Variants in CTNNA2 observed in about 807,000 individuals in gnomAD.
CTNNA2 encodes catenin alpha 2.
In CTNNA2, 42 loss-of-function variants were observed where a neutral mutation model predicts 101.0. The observed-to-expected ratio is 0.42, with a 90% CI of 0.32 to 0.54. CTNNA2 has a LOEUF of 0.54. Among genes scored for constraint, CTNNA2 ranks in the 20% least tolerant of loss-of-function variants. The pLI, the probability that CTNNA2 is intolerant of heterozygous loss-of-function variation, is 0.14. For synonymous variants in CTNNA2, 450 were observed against 456.4 expected (o/e 0.99, Z 0.18); for missense variants, 871 against 1,223.1 (o/e 0.71, Z 4.29).
Position 79,942,716 on chromosome 2 carries a change from T to G in CTNNA2, c.1056+32919T>G, listed in dbSNP as rs114481191. 2.6e-3 allele frequency among the ~76,000 whole-genome samples: 389 copies of G among 152,214 alleles called. 3 individuals are homozygous for G. Among genetic ancestry groups the G allele is most frequent in the African/African-American group, 8.6e-3 (357 of 41,544 alleles). ...TACTTGCCATATCCCCAGTAAGTGGTGGAGTTGGGATTAATTAGGACCCCT... is the reference window on the plus strand; with the variant it reads ...TACTTGCCATATCCCCAGTAAGTGGGGGAGTTGGGATTAATTAGGACCCCT... On this transcript the variant is annotated intron_variant, in intron 7 of 18. Transcript: ENST00000402739.
At chr2:79,721,920 A>G (rs1259122491) in intron 2 of CTNNA2, among the ~76,000 whole-genome samples, 1 of 152,224 alleles carries the variant, frequency 6.6e-6, no homozygotes, top group African/African-American at 2.4e-5. Flanking sequence ...TTTTACAATA[A>G]TAGAATAAAT....
chr2:80,098,446 C>T (rs1047243126), intron 7 of CTNNA2, among the ~76,000 whole-genome samples: 11 of 152,182 alleles, frequency 7.2e-5, no homozygotes, highest in Admixed American at 1.3e-4. Context: ...TTAGGCTACT[C>T]GGGGATCAGG....
intron 4 of CTNNA2, among the ~76,000 whole-genome samples, chr2:79,859,922 G>T (rs1166710294): frequency 6.6e-6 from 1 of 152,110 alleles, no homozygotes; most frequent in East Asian, 1.9e-4. Context: ...CAGGGTGGTG[G>T]GGAGGTTTGA....
intron 7 of CTNNA2, among the ~76,000 whole-genome samples, chr2:80,128,652 C>T (rs970687572): frequency 2.6e-5 from 4 of 152,110 alleles, no homozygotes; most frequent in East Asian, 3.9e-4. Context: ...CAAGTAGCAG[C>T]GACAATGTGC....
At chr2:79,619,090 C>G (rs927043017) in intron 1 of CTNNA2, among the ~76,000 whole-genome samples, 3 of 152,168 alleles carry the variant, frequency 2.0e-5, no homozygotes, top group Non-Finnish European at 4.4e-5. Context: ...CCTATAATCC[C>G]AGCTAGTTGG....
Position 79,651,772 on chromosome 2 carries a change from G to A in CTNNA2, c.102+114G>A, listed in dbSNP as rs548782428. On this transcript the variant is annotated intron_variant, in intron 2 of 18. Transcript: ENST00000402739. ...AGAGAATAAATCATGCCATGATTCC[G>A]ATTACTGAATATATATTACTGCCTG... 4.0e-5 allele frequency: 34 copies of A among 843,416 alleles called. No individual in the cohort carries two copies. In the African/African-American group the frequency reaches 4.6e-4, roughly 11 times the overall value. The allele number at this position is 843,416 out of a possible 1,614,324, so 52.2% of individuals were successfully genotyped here.
At chr2:80,031,521 G>C (rs1261329203) in intron 7 of CTNNA2, among the ~76,000 whole-genome samples, 1 of 152,150 alleles carries the variant, frequency 6.6e-6, no homozygotes, top group Admixed American at 6.5e-5. Flanking sequence ...ATTTACTATC[G>C]TGAGAACAGC....
At chr2:80,483,120 T>A (rs1242458073) in intron 9 of CTNNA2, among the ~76,000 whole-genome samples, 2 of 152,166 alleles carry the variant, frequency 1.3e-5, no homozygotes, top group Admixed American at 1.3e-4. Flanking sequence ...AGTATTAGTG[T>A]CTCTGAGAGA....
chr2:80,490,283 C>CCG (rs1353985119), intron 9 of CTNNA2, among the ~76,000 whole-genome samples: 27 of 81,086 alleles, frequency 3.3e-4, no homozygotes, highest in African/African-American at 1.5e-3. Context: ...CCCCCCCACC[C>CCG]CCCCCCCGGT....
At chr2:79,185,667 G>T (rs1297154210) in intron 1 of CTNNA2, 1 of 151,978 alleles carries the variant, frequency 6.6e-6, no homozygotes, top group East Asian at 1.9e-4. Flanking sequence ...ACAATTCATG[G>T]GTGCTCCAAA....
intron 2 of CTNNA2, among the ~76,000 whole-genome samples, chr2:79,303,567 T>G (rs905400200): frequency 1.3e-5 from 2 of 152,006 alleles, no homozygotes; most frequent in Non-Finnish European, 2.9e-5. Flanking sequence ...CACAAGAAAC[T>G]TATTTATGCT....
chr2:79,200,689 C>A (rs548244242), intron 2 of CTNNA2, among the ~76,000 whole-genome samples: 2 of 152,124 alleles, frequency 1.3e-5, no homozygotes, highest in Admixed American at 6.5e-5. Flanking sequence ...AACTCTTGTT[C>A]AAAAAGGCAA....
chr2:80,201,585 T>C (rs2023443), intron 7 of CTNNA2, among the ~76,000 whole-genome samples: 1 of 151,758 alleles, frequency 6.6e-6, no homozygotes, highest in Non-Finnish European at 1.5e-5. Context: ...CCGTGTTAGC[T>C]AGGATGGTCT....
chr2:80,299,336 C>G (rs1676037865), intron 7 of CTNNA2: 1 of 152,110 alleles, frequency 6.6e-6, no homozygotes, highest in African/African-American at 2.4e-5. Flanking sequence ...GTTAAAACTA[C>G]CACTTTCCCT....
chr2:79,881,139 C>A (rs111831285), intron 6 of CTNNA2, among the ~76,000 whole-genome samples: 6,022 of 152,172 alleles, frequency 0.04, 321 homozygotes, highest in East Asian at 0.27. Flanking sequence ...TGAGTTTCTT[C>A]ATCCTAAGTT....
intron 7 of CTNNA2, among the ~76,000 whole-genome samples, chr2:80,203,329 C>A (rs1707330610): frequency 6.6e-6 from 1 of 152,210 alleles, no homozygotes; most frequent in African/African-American, 2.4e-5. Context: ...CCAAGACAAG[C>A]AATTCCCTTC....
intron 2 of CTNNA2, among the ~76,000 whole-genome samples, chr2:79,712,288 G>GA (rs1427479948): frequency 3.3e-5 from 5 of 152,142 alleles, no homozygotes; most frequent in Admixed American, 6.5e-5. Context: ...TGCAACTCTA[G>GA]AAAAAACCCT....
At chr2:80,533,261 C>T (rs759919402) in intron 9 of CTNNA2, among the ~76,000 whole-genome samples, 1 of 152,116 alleles carries the variant, frequency 6.6e-6, no homozygotes, top group Non-Finnish European at 1.5e-5. Context: ...AATGGGATGC[C>T]TTCAGCAACA....
intron 7 of CTNNA2, among the ~76,000 whole-genome samples, chr2:80,163,310 T>C (rs1401164343): frequency 6.6e-6 from 1 of 152,174 alleles, no homozygotes; most frequent in Admixed American, 6.6e-5. Flanking sequence ...TTTATATATA[T>C]ATAAATGATA....
Sources: gnomAD v4.1 joint callset for allele counts (sites outside exome capture counted in the v4.1 genomes callset) on GRCh38, gnomAD v4.1.1 for gene constraint, MANE v1.5 for transcripts, NCBI Gene and HGNC (gene_info 2026-07-23, HGNC 2026-07-21) for gene names.